Variants in SPAG9 observed in about 807,000 individuals in gnomAD.
SPAG9 encodes the protein C-Jun-amino-terminal kinase-interacting protein 4.
In SPAG9, 35 loss-of-function variants were observed where a neutral mutation model predicts 166.5. That is an observed-to-expected ratio of 0.21 (90% CI 0.16 to 0.28). The LOEUF is 0.28. Ranked by LOEUF, SPAG9 falls within the 10% of genes least tolerant of loss-of-function variation. SPAG9 has a pLI of 1.00. For missense variants in SPAG9, 1,235 were observed against 1,603.3 expected, an observed-to-expected ratio of 0.77 and a Z score of 3.92; for synonymous variants, 534 against 565.5, an observed-to-expected ratio of 0.94 and a Z score of 0.79.
At position 50,970,821 on chromosome 17, in the gene SPAG9, T is replaced by C; in HGVS notation, c.3736A>G (p.Thr1246Ala). 1 of 1,614,060 alleles carries C rather than the reference T, an allele frequency of 6.2e-7. No homozygotes were observed. The highest frequency in any genetic ancestry group is 8.5e-7 in the Non-Finnish European group (1 of 1,179,986). ...CCTGCTTTGTCACCCGTCAGATCCG[T>C]GCCACTACTGCTACTTTGTGGGCTG... Reference protein sequence around the residue: ...VISPQSSSSGTDLTGDKAGPS... With the variant: ...VISPQSSSSGADLTGDKAGPS... Residue 1246 changes from threonine (T) to alanine (A), a missense_variant, in exon 29 of 30, where the codon ACG (threonine) becomes GCG (alanine). Thr to Ala is a moderately conservative substitution (Grantham distance 58, BLOSUM62 0). Transcript: ENST00000262013.
Position 51,088,029 on chromosome 17 carries a change from G to C in SPAG9, c.304-8325C>G, listed in dbSNP as rs547228893. ...CAAAGTGCTGGGATTATAGGCATGA[G>C]CGACCATGCCTGGCCCTGACCCTCT... On this transcript the variant is annotated intron_variant, in intron 1 of 29. Coordinates refer to ENST00000262013, the MANE Select transcript of SPAG9 (RefSeq NM_001130528.3). Among the ~76,000 whole-genome samples, 34 of 152,312 alleles carry C rather than the reference G, an allele frequency of 2.2e-4. No homozygotes were observed. In the South Asian group the frequency reaches 4.8e-3, roughly 21 times the overall value.
intron 28 of SPAG9, 141 bp downstream of exon 28, chr17:50,974,630 C>T: frequency 3.2e-6 from 2 of 623,806 alleles, no homozygotes. Flanking sequence ...TTAGTCACAC[C>T]TCCATTACAG....
intron 28 of SPAG9, 121 bp downstream of exon 28, chr17:50,974,650 C>A: frequency 1.2e-6 from 1 of 804,138 alleles, no homozygotes; most frequent in Non-Finnish European, 1.8e-6. Context: ...GAACTTCCTT[C>A]GTATATATTG....
At chr17:51,112,294 G>A (rs1474058164) in intron 1 of SPAG9, among the ~76,000 whole-genome samples, 1 of 149,902 alleles carries the variant, frequency 6.7e-6, no homozygotes, top group Non-Finnish European at 1.5e-5. Flanking sequence ...AACACTTTGG[G>A]AGGCTGAGGT....
At chr17:50,996,417 C>A in intron 16 of SPAG9, 148 bp downstream of exon 16, 1 of 853,070 alleles carries the variant, frequency 1.2e-6, no homozygotes, top group South Asian at 1.8e-5. Flanking sequence ...AGCCTGAAAA[C>A]CACCACCCTC....
intron 25 of SPAG9, among the ~76,000 whole-genome samples, chr17:50,982,269 T>C (rs1974718663): frequency 6.6e-6 from 1 of 152,186 alleles, no homozygotes; most frequent in Non-Finnish European, 1.5e-5. Flanking sequence ...TCTGGATACA[T>C]ACACAGACAC....
chr17:50,973,198 C>A (rs12451849), intron 28 of SPAG9, among the ~76,000 whole-genome samples: 3 of 152,128 alleles, frequency 2.0e-5, no homozygotes, highest in Admixed American at 2.0e-4. Context: ...TCCAAAACCA[C>A]AAAACAATCA....
rs2045241308 is a variant in SPAG9, at chr17:51,006,879, G to C, written c.1271+390C>G. 2.0e-5 allele frequency among the ~76,000 whole-genome samples: 3 copies of C among 152,110 alleles called. No homozygotes were observed. The South Asian group carries it at 6.2e-4, about 31-fold the overall frequency. ...AGACAGCTCTGAAGAGGAAGGCTGA[G>C]TATACATGAAAATATTTGTGTGGAA... On this transcript the variant is annotated intron_variant, in intron 10 of 29. Coordinates refer to ENST00000262013, the MANE Select transcript of SPAG9 (RefSeq NM_001130528.3).
chr17:50,985,617 T>C, intron 23 of SPAG9, 81 bp downstream of exon 23: 1 of 735,612 alleles, frequency 1.4e-6, no homozygotes, highest in Non-Finnish European at 2.3e-6. Flanking sequence ...GTGAAACATG[T>C]ATTAGCTTTC....
At chr17:51,075,050 G>A (rs1396576954) in intron 2 of SPAG9, among the ~76,000 whole-genome samples, 1 of 151,676 alleles carries the variant, frequency 6.6e-6, no homozygotes, top group East Asian at 1.9e-4. Context: ...ACAAAAATTA[G>A]CCAGGCATAA....
chr17:50,991,801 T>C (rs1227780346), intron 19 of SPAG9, among the ~76,000 whole-genome samples: 2 of 151,970 alleles, frequency 1.3e-5, no homozygotes, highest in African/African-American at 4.8e-5. Flanking sequence ...TTTTTGTATT[T>C]TTAGTAGAAA....
intron 11 of SPAG9, 142 bp downstream of exon 11, chr17:51,005,943 G>C: frequency 1.3e-6 from 1 of 766,528 alleles, no homozygotes; most frequent in Non-Finnish European, 2.2e-6. Context: ...GCAATGGGCT[G>C]GGGCACTTTG....
chr17:51,045,372 A>G (rs1479128955), intron 4 of SPAG9, among the ~76,000 whole-genome samples: 1 of 152,194 alleles, frequency 6.6e-6, no homozygotes, highest in East Asian at 1.9e-4. Flanking sequence ...TATTTTATGT[A>G]CTAATATATA....
At chr17:50,975,762 C>T in intron 27 of SPAG9, 1 of 881,044 alleles carries the variant, frequency 1.1e-6, no homozygotes. Context: ...AAGTGGATAA[C>T]ATTTAGGAAC....
At chr17:51,075,881 G>A (rs1203324721) in intron 2 of SPAG9, among the ~76,000 whole-genome samples, 1 of 151,810 alleles carries the variant, frequency 6.6e-6, no homozygotes, top group Non-Finnish European at 1.5e-5. Context: ...GGATCACGAG[G>A]TCAGGAGATT....
At position 51,047,356 on chromosome 17, in the gene SPAG9, A is replaced by C. The variant is rs2047054312; in HGVS notation, c.590+19T>G. 7.3e-7 allele frequency: 1 copy of C among 1,362,758 alleles called. No individual in the cohort carries two copies. The highest frequency in any genetic ancestry group is 1.5e-5 in the African/African-American group (1 of 67,624). The allele number at this position is 1,362,758 out of a possible 1,614,324, so 84.4% of individuals were successfully genotyped here. On this transcript the variant is annotated intron_variant, in intron 4 of 29. Coordinates refer to ENST00000262013, the MANE Select transcript of SPAG9 (RefSeq NM_001130528.3). ...TTTATTTTACTTTTTCTCAAGGCAA[A>C]ATATATAACAAAGCTTACCTAATTC... is the stretch of plus-strand genomic sequence containing the variant.
chr17:51,005,074 T>G, intron 12 of SPAG9, 138 bp downstream of exon 12: 1 of 698,938 alleles, frequency 1.4e-6, no homozygotes, highest in South Asian at 1.9e-5. Flanking sequence ...GCATGAGCTA[T>G]CCTATTCATG....
In SPAG9 at chr17:51,014,179, TA is replaced by T. The variant is rs1452512233; in HGVS notation, c.1213+52del. ...TAAAGGACTTTTCAATTAAATCATT[TA>T]AAAAATCAATTTTAAAAACAGTATG... is the stretch of plus-strand genomic sequence containing the variant. On this transcript the variant is annotated intron_variant, in intron 9 of 29. Coordinates refer to ENST00000262013, the MANE Select transcript of SPAG9 (RefSeq NM_001130528.3). 1.2e-5 allele frequency: 19 copies of T among 1,521,926 alleles called. No individual in the cohort carries two copies. The East Asian group carries it at 3.7e-4, about 30-fold the overall frequency. 94.3% of individuals were successfully genotyped at this position (1,521,926 alleles called of 1,614,324 possible).
intron 3 of SPAG9, among the ~76,000 whole-genome samples, chr17:51,055,745 A>C (rs11657260): frequency 0.3 from 46,330 of 152,006 alleles, 7,126 homozygotes; most frequent in Admixed American, 0.36. Flanking sequence ...GGTATGTGAA[A>C]CCCAGACTGA....
Sources: gnomAD v4.1 joint callset for allele counts (sites outside exome capture counted in the v4.1 genomes callset) on GRCh38, gnomAD v4.1.1 for gene constraint, MANE v1.5 for transcripts, NCBI Gene and HGNC (gene_info 2026-07-23, HGNC 2026-07-21) for gene names.